Variants in RAI14 observed in about 807,000 individuals in gnomAD.
RAI14 encodes retinoic acid induced 14.
RAI14 carries 45 observed loss-of-function variants against 115.4 expected under a neutral mutation model. That is an observed-to-expected ratio of 0.39 (90% CI 0.31 to 0.50). RAI14 has a LOEUF of 0.50. Ranked by LOEUF, RAI14 falls within the 20% of genes least tolerant of loss-of-function variation. The probability of loss-of-function intolerance (pLI) is 0.85; values close to 1 mark genes in which losing one functional copy is unlikely to be tolerated. For synonymous variants in RAI14, 371 were observed against 415.4 expected, an observed-to-expected ratio of 0.89 and a Z score of 1.30; for missense variants, 939 against 1,131.2, an observed-to-expected ratio of 0.83 and a Z score of 2.44.
chr5:34,687,847 A>C, intron 2 of RAI14: 1 of 1,244,796 alleles, frequency 8.0e-7, no homozygotes. Context: ...GCATTTTTGC[A>C]ATAAATGGAG....
intron 1 of RAI14, among the ~76,000 whole-genome samples, chr5:34,676,386 A>T (rs256295): frequency 3.3e-5 from 5 of 152,106 alleles, no homozygotes; most frequent in Non-Finnish European, 7.4e-5. Flanking sequence ...AGCATTTTAG[A>T]GATCATCTTA....
At chr5:34,706,757 G>A (rs1343579622) in intron 2 of RAI14, among the ~76,000 whole-genome samples, 1 of 152,054 alleles carries the variant, frequency 6.6e-6, no homozygotes, top group Non-Finnish European at 1.5e-5. Flanking sequence ...ACCATTTTAA[G>A]GGCACAGAAA....
intron 3 of RAI14, among the ~76,000 whole-genome samples, chr5:34,759,104 A>G (rs1374717234): frequency 6.6e-6 from 1 of 152,140 alleles, no homozygotes; most frequent in Non-Finnish European, 1.5e-5. Context: ...CTCTACTAAA[A>G]ATAGAAAAAT....
At chr5:34,778,759 A>C (rs573631087) in intron 3 of RAI14, among the ~76,000 whole-genome samples, 1 of 137,746 alleles carries the variant, frequency 7.3e-6, no homozygotes, top group Non-Finnish European at 1.7e-5. Context: ...TTTTTAAAGA[A>C]AGGAAAAAAA....
chr5:34,782,657 G>T (rs1751806848), intron 3 of RAI14, among the ~76,000 whole-genome samples: 1 of 152,056 alleles, frequency 6.6e-6, no homozygotes, highest in African/African-American at 2.4e-5. Context: ...AAATCCTTAT[G>T]TTTAGCTCCT....
intron 3 of RAI14, among the ~76,000 whole-genome samples, chr5:34,761,936 A>C (rs1416265457): frequency 6.6e-6 from 1 of 152,060 alleles, no homozygotes; most frequent in Non-Finnish European, 1.5e-5. Flanking sequence ...CCTTTATTCT[A>C]TTATATCAAA....
At chr5:34,673,558 G>C (rs1579870600) in intron 1 of RAI14, among the ~76,000 whole-genome samples, 1 of 152,290 alleles carries the variant, frequency 6.6e-6, no homozygotes, top group East Asian at 1.9e-4. Flanking sequence ...ATCTGAGTTG[G>C]GTCTCTGTCA....
intron 2 of RAI14, among the ~76,000 whole-genome samples, chr5:34,737,615 T>TGG (rs1745031198): frequency 6.6e-6 from 1 of 151,066 alleles, no homozygotes; most frequent in Non-Finnish European, 1.5e-5. Flanking sequence ...AAAAATTAGC[T>TGG]GGGCATGGTG....
At position 34,811,766 on chromosome 5, in the gene RAI14, G is replaced by T; in HGVS notation, c.558-1G>T. Reference sequence around the variant, plus strand: ...AATTTTGTGTCTCTTTTTTCCTTTAGAACTGCTCTCATGCTGGCCTGTGAG... The same window carrying T: ...AATTTTGTGTCTCTTTTTTCCTTTATAACTGCTCTCATGCTGGCCTGTGAG... On this transcript the variant is annotated splice_acceptor_variant, in intron 8 of 17. Transcript: ENST00000265109. LOFTEE classifies it high-confidence loss of function. The T allele has an allele frequency of 6.2e-7, 1 of 1,608,292 alleles. No individual in the cohort carries two copies. Among genetic ancestry groups the T allele is most frequent in the Non-Finnish European group, 8.5e-7 (1 of 1,178,542 alleles).
intron 3 of RAI14, among the ~76,000 whole-genome samples, chr5:34,782,183 A>G (rs988795716): frequency 9.2e-5 from 14 of 152,182 alleles, no homozygotes; most frequent in African/African-American, 2.7e-4. Flanking sequence ...CATCACGAAC[A>G]TGTCACAGTG....
intron 2 of RAI14, among the ~76,000 whole-genome samples, chr5:34,735,394 GGT>G (rs1359616797): frequency 1.3e-5 from 2 of 152,108 alleles, no homozygotes; most frequent in African/African-American, 4.8e-5. Flanking sequence ...TAGCATTTTA[GGT>G]GTCCTATGTC....
chr5:34,800,054 C>A (rs987418585), intron 4 of RAI14, among the ~76,000 whole-genome samples: 1 of 152,194 alleles, frequency 6.6e-6, no homozygotes, highest in Non-Finnish European at 1.5e-5. Flanking sequence ...GGATGCTTTA[C>A]AAGCAATTTT....
intron 5 of RAI14, among the ~76,000 whole-genome samples, chr5:34,807,309 T>G (rs1051718675): frequency 2.6e-5 from 4 of 152,050 alleles, no homozygotes; most frequent in Non-Finnish European, 5.9e-5. Flanking sequence ...ACAGAAATGT[T>G]TATCGTCATT....
At chr5:34,709,421 C>T (rs147449102) in intron 2 of RAI14, among the ~76,000 whole-genome samples, 2,283 of 152,258 alleles carry the variant, frequency 0.015, 18 homozygotes, top group Non-Finnish European at 0.025. Context: ...GCACTCCAGC[C>T]TGGGCCACAG....
intron 2 of RAI14, chr5:34,716,301 T>G: frequency 4.1e-6 from 1 of 241,436 alleles, no homozygotes; most frequent in Non-Finnish European, 8.1e-6. Flanking sequence ...GCTATTCCCC[T>G]GTACCTCCTG....
At chr5:34,756,538 A>G (rs571056497) in intron 2 of RAI14, among the ~76,000 whole-genome samples, 19 of 152,270 alleles carry the variant, frequency 1.2e-4, no homozygotes, top group Non-Finnish European at 2.1e-4. Flanking sequence ...CAAAGTGCCC[A>G]GAGCCTCTGA....
chr5:34,711,942 TTCTA>T (rs960378080), intron 2 of RAI14, among the ~76,000 whole-genome samples: 3 of 152,166 alleles, frequency 2.0e-5, no homozygotes, highest in African/African-American at 7.2e-5. Context: ...ATTTTTTTTA[TTCTA>T]TCTGAGATGA....
At chr5:34,729,365 C>G (rs1233288872) in intron 2 of RAI14, among the ~76,000 whole-genome samples, 1 of 152,066 alleles carries the variant, frequency 6.6e-6, no homozygotes, top group Non-Finnish European at 1.5e-5. Flanking sequence ...CACACACAAG[C>G]TGAAGGGTGA....
intron 2 of RAI14, among the ~76,000 whole-genome samples, chr5:34,756,306 T>C (rs1218106424): frequency 6.6e-6 from 1 of 152,182 alleles, no homozygotes; most frequent in Non-Finnish European, 1.5e-5. Flanking sequence ...CTACAATATC[T>C]CCTCTGTCTG....
Sources: allele counts gnomAD v4.1 joint callset (sites outside exome capture counted in the v4.1 genomes callset), GRCh38; gene constraint gnomAD v4.1.1; transcripts MANE v1.5; gene names NCBI Gene and HGNC (gene_info 2026-07-23, HGNC 2026-07-21).